The following RALYL variants were observed in gnomAD, a reference collection of about 807,000 sequenced individuals.
RALYL encodes the protein RALY RNA binding protein like.
Under a neutral mutation model 35.1 loss-of-function variants are expected in RALYL, and 29 were observed. The observed-to-expected ratio is 0.83, with a 90% CI of 0.61 to 1.13. The LOEUF is 1.13. RALYL is among the 50% of genes most tolerant of loss of function. RALYL has a pLI of 0.00. For synonymous variants in RALYL, 120 were observed against 127.6 expected (o/e 0.94, Z 0.40); for missense variants, 359 against 360.4 (o/e 1.00, Z 0.03).
intron 1 of RALYL, among the ~76,000 whole-genome samples, chr8:84,209,125 C>CAAAAAAAAAAAAAAAAA (rs60246316): frequency 1.0e-5 from 1 of 97,534 alleles, no homozygotes; most frequent in Non-Finnish European, 2.0e-5. Context: ...ACTCCTCCAC[C>CAAAAAAAAAAAAAAAAA]AAAAAAAAAA....
chr8:84,257,379 GT>G (rs1831405057), intron 1 of RALYL, among the ~76,000 whole-genome samples: 1 of 152,032 alleles, frequency 6.6e-6, no homozygotes, highest in South Asian at 2.1e-4. Flanking sequence ...GGATTTCATT[GT>G]TTTTGACTAC....
chr8:84,297,672 G>C (rs1563688112), intron 1 of RALYL, among the ~76,000 whole-genome samples: 1 of 152,130 alleles, frequency 6.6e-6, no homozygotes, highest in Non-Finnish European at 1.5e-5. Context: ...AATCAACAGT[G>C]GATAAGCATT....
intron 1 of RALYL, among the ~76,000 whole-genome samples, chr8:84,314,179 A>G (rs995619816): frequency 6.6e-6 from 1 of 152,044 alleles, no homozygotes; most frequent in South Asian, 2.1e-4. Flanking sequence ...GAACTCCCTC[A>G]TTATCAAGGG....
rs547620342 is a variant in RALYL, at chr8:84,380,642, G to A, written c.-23-148657G>A. The stretch of plus-strand genomic sequence containing the variant: ...CACATGTCTGTTCCTGTTTGAAATC[G>A]TAGAAGTGGAGAACGAAAAGGAGCA... On this transcript the variant is annotated intron_variant, in intron 1 of 8. Transcript: ENST00000521268. Among the ~76,000 whole-genome samples the A allele has an allele frequency of 9.9e-5, 15 of 152,050 alleles. No individual in the cohort carries two copies. In the South Asian group the frequency reaches 2.9e-3, roughly 29 times the overall value.
intron 2 of RALYL, among the ~76,000 whole-genome samples, chr8:84,570,731 T>G (rs1207450323): frequency 1.3e-5 from 2 of 152,014 alleles, no homozygotes; most frequent in Non-Finnish European, 2.9e-5. Context: ...TTGCCATGGA[T>G]GGCTCTTATT....
At chr8:84,246,318 GA>G (rs1429155783) in intron 1 of RALYL, among the ~76,000 whole-genome samples, 3 of 152,094 alleles carry the variant, frequency 2.0e-5, no homozygotes, top group South Asian at 2.1e-4. Flanking sequence ...GTAGTGAATA[GA>G]AACTGTTTTT....
intron 1 of RALYL, among the ~76,000 whole-genome samples, chr8:84,393,737 G>A (rs527747929): frequency 3.2e-4 from 48 of 152,042 alleles, no homozygotes; most frequent in South Asian, 3.1e-3. Flanking sequence ...TTAAGTTGTC[G>A]CTAACCCTTA....
intron 1 of RALYL, among the ~76,000 whole-genome samples, chr8:84,518,555 T>C (rs2058231144): frequency 6.6e-6 from 1 of 152,222 alleles, no homozygotes; most frequent in African/African-American, 2.4e-5. Flanking sequence ...AGACATACAG[T>C]AGGCATTTTC....
At chr8:84,469,082 C>T (rs199982155) in intron 1 of RALYL, among the ~76,000 whole-genome samples, 9 of 152,060 alleles carry the variant, frequency 5.9e-5, no homozygotes, top group East Asian at 1.9e-4. Context: ...TCTTTGCCTT[C>T]GGTTTGAATG....
chr8:84,848,090 T>C (rs1835029616), intron 4 of RALYL, among the ~76,000 whole-genome samples: 1 of 152,204 alleles, frequency 6.6e-6, no homozygotes, highest in Non-Finnish European at 1.5e-5. Context: ...CTCCATTATA[T>C]AGTAGTTTCT....
chr8:84,773,698 C>T (rs576326439), intron 2 of RALYL, among the ~76,000 whole-genome samples: 1 of 152,298 alleles, frequency 6.6e-6, no homozygotes, highest in East Asian at 1.9e-4. Flanking sequence ...TCAATAACTA[C>T]ATATTCCAGT....
At chr8:84,305,184 T>C (rs1841549211) in intron 1 of RALYL, among the ~76,000 whole-genome samples, 1 of 152,192 alleles carries the variant, frequency 6.6e-6, no homozygotes, top group Non-Finnish European at 1.5e-5. Flanking sequence ...ATATAACCAA[T>C]TTATTAAGCA....
At chr8:84,917,639 A>T (rs1285157939) in intron 8 of RALYL, among the ~76,000 whole-genome samples, 6 of 150,952 alleles carry the variant, frequency 4.0e-5, no homozygotes, top group African/African-American at 1.2e-4. Flanking sequence ...ACTGTCCTAT[A>T]CTCTAAATGG....
intron 1 of RALYL, among the ~76,000 whole-genome samples, chr8:84,208,091 T>C (rs1296715987): frequency 1.3e-5 from 2 of 152,058 alleles, no homozygotes; most frequent in African/African-American, 2.4e-5. Flanking sequence ...CTGTCAAAAA[T>C]TTGAGTTTTC....
At chr8:84,742,462 A>T (rs1004899287) in intron 2 of RALYL, among the ~76,000 whole-genome samples, 2 of 151,778 alleles carry the variant, frequency 1.3e-5, no homozygotes, top group Admixed American at 6.6e-5. Flanking sequence ...AAATTGTTTT[A>T]AAAAAAAATT....
At chr8:84,486,263 C>A (rs1300108902) in intron 1 of RALYL, among the ~76,000 whole-genome samples, 4 of 143,510 alleles carry the variant, frequency 2.8e-5, no homozygotes, top group Non-Finnish European at 6.1e-5. Context: ...AATTATTCAA[C>A]TTTTGTCATG....
intron 1 of RALYL, among the ~76,000 whole-genome samples, chr8:84,520,285 C>CT (rs2058364357): frequency 6.6e-6 from 1 of 152,090 alleles, no homozygotes; most frequent in Non-Finnish European, 1.5e-5. Flanking sequence ...AGGAAAAATG[C>CT]TTTTCAGATT....
chr8:84,286,618 G>A (rs1328515503), intron 1 of RALYL, among the ~76,000 whole-genome samples: 1 of 152,130 alleles, frequency 6.6e-6, no homozygotes, highest in South Asian at 2.1e-4. Context: ...GGAAGGCAGA[G>A]GTTATAGGTA....
chr8:84,909,545 A>G (rs1847151276), intron 8 of RALYL, among the ~76,000 whole-genome samples: 1 of 152,172 alleles, frequency 6.6e-6, no homozygotes, highest in Admixed American at 6.6e-5. Flanking sequence ...GAGCTTAGGC[A>G]TGATCTAAAT....
Sources: allele counts gnomAD v4.1 joint callset (sites outside exome capture counted in the v4.1 genomes callset), GRCh38; gene constraint gnomAD v4.1.1; transcripts MANE v1.5; gene names NCBI Gene and HGNC (gene_info 2026-07-23, HGNC 2026-07-21).